Variants in CALD1 observed in about 807,000 individuals in gnomAD.
The protein encoded by CALD1 is caldesmon 1.
In CALD1, 33 loss-of-function variants were observed where a neutral mutation model predicts 99.9. That is an observed-to-expected ratio of 0.33 (90% confidence interval 0.25 to 0.44). The LOEUF (loss-of-function observed/expected upper bound fraction) is 0.44. Ranked by LOEUF, CALD1 falls within the 20% of genes least tolerant of loss-of-function variation. The pLI, the probability that CALD1 is intolerant of heterozygous loss-of-function variation, is 1.00. For missense variants in CALD1, 861 were observed against 962.1 expected (o/e 0.89, Z 1.39); for synonymous variants, 310 against 325.0 (o/e 0.95, Z 0.50).
intron 3 of CALD1, among the ~76,000 whole-genome samples, chr7:134,916,442 C>A (rs1804208762): frequency 6.6e-6 from 1 of 152,108 alleles, no homozygotes; most frequent in Non-Finnish European, 1.5e-5. Context: ...AGAGTGGAAG[C>A]AGAAAAGCTC....
chr7:134,842,496 A>G (rs1313200362), intron 1 of CALD1, among the ~76,000 whole-genome samples: 1 of 152,246 alleles, frequency 6.6e-6, no homozygotes, highest in East Asian at 1.9e-4. Flanking sequence ...TAAAAATGGT[A>G]ATGTTGAAAT....
intron 3 of CALD1, among the ~76,000 whole-genome samples, chr7:134,878,787 C>T (rs749813461): frequency 2.6e-5 from 4 of 151,684 alleles, no homozygotes; most frequent in Non-Finnish European, 5.9e-5. Context: ...CATAGGAAGA[C>T]CTCATCTCTA....
At chr7:134,796,500 A>G (rs1243680250) in intron 1 of CALD1, among the ~76,000 whole-genome samples, 1 of 152,166 alleles carries the variant, frequency 6.6e-6, no homozygotes, top group Non-Finnish European at 1.5e-5. Flanking sequence ...TGGAGTTTCC[A>G]ATAATCATCT....
chr7:134,795,358 G>C (rs1385084848), intron 1 of CALD1, among the ~76,000 whole-genome samples: 2 of 152,032 alleles, frequency 1.3e-5, no homozygotes, highest in African/African-American at 4.8e-5. Context: ...GAGTTCCCCT[G>C]CACATGTTCT....
chr7:134,948,176 G>A (rs1807056384), intron 8 of CALD1: 1 of 157,510 alleles, frequency 6.3e-6, no homozygotes. Flanking sequence ...ATGAAGTTAT[G>A]GTTTTCTAAT....
At chr7:134,806,419 C>T (rs911433257) in intron 1 of CALD1, among the ~76,000 whole-genome samples, 1 of 152,184 alleles carries the variant, frequency 6.6e-6, no homozygotes, top group Non-Finnish European at 1.5e-5. Context: ...CACAGGCGCT[C>T]AGTTCCAGTT....
At chr7:134,774,647 A>G (rs1339703760), upstream of CALD1, among the ~76,000 whole-genome samples, 1 of 152,168 alleles carries the variant, frequency 6.6e-6, no homozygotes, top group East Asian at 1.9e-4. Flanking sequence ...CTGTCCTCAG[A>G]GGTTCCCAGG....
intron 7 of CALD1, 46 bp downstream of exon 7, chr7:134,941,283 G>GGAA: frequency 9.3e-7 from 1 of 1,079,954 alleles, no homozygotes; most frequent in Non-Finnish European, 1.3e-6. Flanking sequence ...CACATGCAAA[G>GGAA]AAAAAAAAAA....
At chr7:134,934,193 C>T in intron 5 of CALD1, 116 bp downstream of exon 5, 1 of 1,462,840 alleles carries the variant, frequency 6.8e-7, no homozygotes. Flanking sequence ...GATCATTTGG[C>T]AAGCTGTTCA....
intron 1 of CALD1, among the ~76,000 whole-genome samples, chr7:134,791,413 G>A (rs540768756): frequency 1.3e-5 from 2 of 152,120 alleles, no homozygotes; most frequent in African/African-American, 4.8e-5. Context: ...GGCCAGGCTG[G>A]TCTCGAACTC....
At chr7:134,739,341 C>A (rs1796574736), upstream of CALD1, among the ~76,000 whole-genome samples, 1 of 152,158 alleles carries the variant, frequency 6.6e-6, no homozygotes, top group South Asian at 2.1e-4. Context: ...AATGATGGAC[C>A]TGGAATTAGA....
chr7:134,849,693 G>T (rs1799998858), intron 2 of CALD1, among the ~76,000 whole-genome samples: 1 of 152,042 alleles, frequency 6.6e-6, no homozygotes. Flanking sequence ...GATAGTAATT[G>T]AATTTAAAAG....
chr7:134,747,009 T>C (rs905350581), intron 1 of CALD1, among the ~76,000 whole-genome samples: 4 of 137,066 alleles, frequency 2.9e-5, no homozygotes, highest in African/African-American at 8.1e-5. Context: ...AAAAGGAACG[T>C]AGAGCTTAAA....
At chr7:134,819,895 C>T (rs955395448) in intron 1 of CALD1, among the ~76,000 whole-genome samples, 1 of 151,946 alleles carries the variant, frequency 6.6e-6, no homozygotes, top group Non-Finnish European at 1.5e-5. Flanking sequence ...AACAAACAAA[C>T]AAACAAACAA....
chr7:134,879,318 T>A (rs1409061532), intron 3 of CALD1, among the ~76,000 whole-genome samples: 1 of 152,216 alleles, frequency 6.6e-6, no homozygotes, highest in African/African-American at 2.4e-5. Flanking sequence ...CATGTGCATA[T>A]TTTGTGAATA....
the CALD1 span, among the ~76,000 whole-genome samples, chr7:134,712,102 C>T: frequency 1.3e-5 from 2 of 151,426 alleles, no homozygotes; most frequent in African/African-American, 4.9e-5. Flanking sequence ...AAGAAATTCC[C>T]AAGAGAGGCT....
chr7:134,899,108 T>G (rs1802786522), intron 3 of CALD1, among the ~76,000 whole-genome samples: 1 of 152,160 alleles, frequency 6.6e-6, no homozygotes, highest in Admixed American at 6.5e-5. Context: ...ATATAGTACT[T>G]TCCTCATTTA....
chr7:134,927,416 G>A (rs1008264377), intron 3 of CALD1, among the ~76,000 whole-genome samples: 1 of 151,698 alleles, frequency 6.6e-6, no homozygotes, highest in East Asian at 1.9e-4. Flanking sequence ...GCTGGGTGTG[G>A]TGGTGTGCAC....
At chr7:134,955,589 C>T (rs1807701028) in intron 9 of CALD1, among the ~76,000 whole-genome samples, 1 of 152,162 alleles carries the variant, frequency 6.6e-6, no homozygotes, top group African/African-American at 2.4e-5. Flanking sequence ...CTTACTGTGT[C>T]TTCACATGGA....
Sources: allele counts gnomAD v4.1 joint callset (sites outside exome capture counted in the v4.1 genomes callset), GRCh38; gene constraint gnomAD v4.1.1; transcripts MANE v1.5; gene names NCBI Gene and HGNC (gene_info 2026-07-23, HGNC 2026-07-21).